SWAP70: variants seen among roughly 807,000 people sequenced by gnomAD.
SWAP70 encodes the protein switch-associated protein 70.
A neutral mutation model predicts 80.2 loss-of-function variants in SWAP70; 34 were observed. The ratio of observed to expected loss-of-function variants is 0.42; its 90% CI spans 0.32 to 0.56. SWAP70 has a LOEUF of 0.56. Among genes scored for constraint, SWAP70 ranks in the 20% least tolerant of loss-of-function variants. The pLI is 0.09. For synonymous variants in SWAP70, 239 were observed against 238.5 expected (o/e 1.00, Z -0.02); for missense variants, 578 against 690.7 (o/e 0.84, Z 1.83).
In SWAP70 at chr11:9,751,364, A is replaced by G. The variant is rs538200763; in HGVS notation, c.*1394A>G. ...AAGGAGTATTGAGGAAGGTTTTCAT[A>G]TATGATCTATCTTTGGATTAAAAAG... On this transcript the variant is annotated 3_prime_UTR_variant, in exon 12 of 12. Transcript: ENST00000318950. 7.2e-5 allele frequency: 11 copies of G among 152,340 alleles called. No individual in the cohort carries two copies. The highest frequency in any genetic ancestry group is 2.4e-4 in the African/African-American group (10 of 41,570). The allele number at this position is 152,340 out of a possible 1,614,324, so 9.4% of individuals were successfully genotyped here.
chr11:9,725,583 T>G (rs918304677), intron 4 of SWAP70, among the ~76,000 whole-genome samples: 133 of 127,178 alleles, frequency 1.0e-3, no homozygotes, highest in Non-Finnish European at 1.9e-3. Context: ...TTTTTTTTTT[T>G]TTTTTCCAAG....
chr11:9,714,970 C>CTTTTTT lies in SWAP70; in HGVS notation c.414+1346_414+1351dup, dbSNP rs34803928. Reference sequence around the variant, plus strand: ...TACAGGTGCCTGCCACCACACCTGCCTTTTTTTTTTTTTTTTTTTTAAGAA... The same window carrying CTTTTTT: ...TACAGGTGCCTGCCACCACACCTGCCTTTTTTTTTTTTTTTTTTTTTTTTTTAAGAA... On this transcript the variant is annotated intron_variant, in intron 3 of 11. Transcript: ENST00000318950. Among the ~76,000 whole-genome samples, 488 of 109,962 alleles carry CTTTTTT rather than the reference C, an allele frequency of 4.4e-3. 9 individuals are homozygous for CTTTTTT. Among genetic ancestry groups the CTTTTTT allele is most frequent in the African/African-American group, 6.0e-3 (163 of 27,006 alleles). 72.1% of individuals were successfully genotyped at this position (109,962 alleles called of 152,430 possible).
At chr11:9,695,618 T>C (rs556169596) in intron 2 of SWAP70, among the ~76,000 whole-genome samples, 90 of 55,570 alleles carry the variant, frequency 1.6e-3, no homozygotes, top group African/African-American at 6.0e-3. Context: ...CAGGATCTGT[T>C]GGGGGTTGGG....
At chr11:9,731,027 C>T (rs1851291855) in intron 6 of SWAP70, among the ~76,000 whole-genome samples, 1 of 152,116 alleles carries the variant, frequency 6.6e-6, no homozygotes, top group African/African-American at 2.4e-5. Context: ...TGAGAACATT[C>T]ATTATTTGGT....
In SWAP70 at chr11:9,725,496, G is replaced by C. The variant is rs1451748408; in HGVS notation, c.642+611G>C. Among the ~76,000 whole-genome samples, 3 of 134,334 alleles carry C rather than the reference G, an allele frequency of 2.2e-5. No individual in the cohort carries two copies. The Admixed American group carries it at 2.3e-4, about 10-fold the overall frequency. 88.1% of individuals were successfully genotyped at this position (134,334 alleles called of 152,430 possible). ...CAGGAGCTCAAGACCATCCTGGCCA[G>C]CATGTTGAAACCCTGTCTGTATTAA... On this transcript the variant is annotated intron_variant, in intron 4 of 11. Transcript: ENST00000318950.
intron 3 of SWAP70, among the ~76,000 whole-genome samples, chr11:9,715,891 A>T (rs746761888): frequency 9.2e-5 from 14 of 152,188 alleles, no homozygotes; most frequent in Admixed American, 3.3e-4. Flanking sequence ...AGTTCTCCAT[A>T]GTGCCCACTT....
At chr11:9,706,818 ACT>A (rs1363699278) in intron 2 of SWAP70, among the ~76,000 whole-genome samples, 1 of 151,086 alleles carries the variant, frequency 6.6e-6, no homozygotes, top group African/African-American at 2.4e-5. Flanking sequence ...CACATAAAGA[ACT>A]CTTTTTTTTT....
intron 4 of SWAP70, among the ~76,000 whole-genome samples, chr11:9,725,553 ATATATATATATATATATTTT>A (rs1405753604): frequency 5.5e-3 from 119 of 21,552 alleles, no homozygotes; most frequent in Non-Finnish European, 0.01. Context: ...ATATATATAT[ATATATATATATATATATTTT>A]TTTTTTTTTT....
chr11:9,741,069 T>C (rs1400686152), intron 9 of SWAP70: 1 of 152,788 alleles, frequency 6.5e-6, no homozygotes, highest in Middle Eastern at 3.2e-3. Context: ...AAGTATTCAC[T>C]ACAGTAGCAG....
intron 1 of SWAP70, among the ~76,000 whole-genome samples, chr11:9,693,260 T>C (rs1850717080): frequency 1.3e-5 from 2 of 152,140 alleles, no homozygotes; most frequent in African/African-American, 4.8e-5. Flanking sequence ...ACAAATGAAA[T>C]GGAAGGGATT....
At chr11:9,679,048 A>G (rs1850536114) in intron 1 of SWAP70, among the ~76,000 whole-genome samples, 1 of 152,160 alleles carries the variant, frequency 6.6e-6, no homozygotes, top group Non-Finnish European at 1.5e-5. Flanking sequence ...TGGAAACTGC[A>G]GTTTTCAGCA....
chr11:9,739,476 A>G (rs1038539476), intron 8 of SWAP70, among the ~76,000 whole-genome samples: 1 of 152,228 alleles, frequency 6.6e-6, no homozygotes, highest in Non-Finnish European at 1.5e-5. Flanking sequence ...ATGCTCTCTC[A>G]TGACTCTTCT....
chr11:9,749,349 C>A (rs1851555043), intron 11 of SWAP70, among the ~76,000 whole-genome samples, 166 bp downstream of exon 11: 1 of 152,088 alleles, frequency 6.6e-6, no homozygotes, highest in South Asian at 2.1e-4. Flanking sequence ...TGGGTTCATG[C>A]CATTCTCCTG....
chr11:9,665,559 C>T (rs573792754), intron 1 of SWAP70, among the ~76,000 whole-genome samples: 103 of 152,300 alleles, frequency 6.8e-4, no homozygotes, highest in African/African-American at 2.4e-3. Flanking sequence ...CCCCAACTGT[C>T]GGCAACCATT....
chr11:9,715,660 G>A (rs780478767), intron 3 of SWAP70, among the ~76,000 whole-genome samples: 3 of 152,204 alleles, frequency 2.0e-5, no homozygotes, highest in Non-Finnish European at 2.9e-5. Context: ...GAGAGCTTGT[G>A]CAGGGAAACT....
chr11:9,710,215 A>G (rs764981493), intron 2 of SWAP70, among the ~76,000 whole-genome samples: 3 of 152,240 alleles, frequency 2.0e-5, no homozygotes, highest in Non-Finnish European at 4.4e-5. Flanking sequence ...AAATAGGGGC[A>G]ATAATTAACC....
At chr11:9,702,502 G>A (rs79031269) in intron 2 of SWAP70, among the ~76,000 whole-genome samples, 1 of 151,636 alleles carries the variant, frequency 6.6e-6, no homozygotes, top group African/African-American at 2.4e-5. Flanking sequence ...ACCTTGCCCT[G>A]CTGGTCTCAA....
intron 8 of SWAP70, 37 bp from the exon 9 acceptor site, chr11:9,740,144 C>G (rs1851416627): frequency 6.3e-7 from 1 of 1,596,698 alleles, no homozygotes; most frequent in African/African-American, 1.3e-5. Context: ...AGAAAGAAGT[C>G]AACCTGCATT....
intron 2 of SWAP70, among the ~76,000 whole-genome samples, chr11:9,695,048 G>A (rs181334307): frequency 2.0e-5 from 3 of 152,256 alleles, no homozygotes; most frequent in Admixed American, 6.5e-5. Context: ...CAGCACTTTG[G>A]GAGGCCGAGG....
Sources: allele counts gnomAD v4.1 joint callset (sites outside exome capture counted in the v4.1 genomes callset), GRCh38; gene constraint gnomAD v4.1.1; transcripts MANE v1.5; gene names NCBI Gene and HGNC (gene_info 2026-07-23, HGNC 2026-07-21).